HELQ: variants seen among roughly 807,000 people sequenced by gnomAD.
HELQ encodes helicase, POLQ like.
HELQ carries 77 observed loss-of-function variants against 111.6 expected under a neutral mutation model. The ratio of observed to expected loss-of-function variants is 0.69; its 90% CI spans 0.57 to 0.83. The LOEUF is 0.83. Among genes scored for constraint, HELQ ranks in the 40% least tolerant of loss-of-function variants. The probability of loss-of-function intolerance (pLI) is 0.00; values close to 1 mark genes in which losing one functional copy is unlikely to be tolerated. For synonymous variants in HELQ, 438 were observed against 454.7 expected (o/e 0.96, Z 0.47); for missense variants, 1,200 against 1,288.5 (o/e 0.93, Z 1.05).
Position 83,451,504 on chromosome 4 carries a change from T to C in HELQ, c.1012+1727A>G, listed in dbSNP as rs951541449. Reference sequence around the variant, plus strand: ...GGTGAAACCTTGTCTCTACTAAAAATACAAAAAAAAAATTAGCCGGGCGTG... The same window carrying C: ...GGTGAAACCTTGTCTCTACTAAAAACACAAAAAAAAAATTAGCCGGGCGTG... On this transcript the variant is annotated intron_variant, in intron 2 of 17. Transcript: ENST00000295488. Among the ~76,000 whole-genome samples the C allele has an allele frequency of 4.3e-4, 62 of 144,944 alleles. 1 individual carries two copies. The highest frequency in any genetic ancestry group is 1.5e-3 in the African/African-American group (55 of 35,646).
intron 15 of HELQ, 48 bp downstream of exon 15, chr4:83,421,515 A>T: frequency 1.4e-6 from 2 of 1,454,176 alleles, no homozygotes; most frequent in Non-Finnish European, 9.5e-7. Context: ...AGTAACAGTT[A>T]AAACCAGAAG....
Position 83,441,356 on chromosome 4 carries a change from A to T in HELQ, c.1611T>A (p.Val537=). Reference sequence around the variant, plus strand: ...TCATGCCATTCTCAGCTTTGCTGTCAACTTCATATATTGTATCATTTATTT... The same window carrying T: ...TCATGCCATTCTCAGCTTTGCTGTCTACTTCATATATTGTATCATTTATTT... ...YLKINDTIYE[V]DSKAENGMTF... is the part of the protein sequence containing the mutation. The change falls in exon 7 of 18, where the codon GTT becomes GTA. Residue 537 remains valine (V), a synonymous_variant. Coordinates refer to ENST00000295488, the MANE Select transcript of HELQ (RefSeq NM_133636.5). 6.3e-7 allele frequency: 1 copy of T among 1,594,142 alleles called. No individual in the cohort carries two copies. The highest frequency in any genetic ancestry group is 8.6e-7 in the Non-Finnish European group (1 of 1,164,802).
Position 83,432,200 on chromosome 4 carries a change from CA to C in HELQ, c.2115del (p.Ile705MetfsTer9). 1 of 1,602,682 alleles carries C rather than the reference CA, an allele frequency of 6.2e-7. No individual in the cohort carries two copies. On this transcript the variant is annotated frameshift_variant, in exon 10 of 18. Coordinates refer to ENST00000295488, the MANE Select transcript of HELQ (RefSeq NM_133636.5). LOFTEE classifies it high-confidence loss of function. ...FLKRNQYKQM[I>X]GRAGRAGIDT... ...TCTATTCCAGCACGACCAGCTCTGC[CA>C]ATCATCTGTTTATATTGATTCCTCT...
At position 83,455,672 on chromosome 4, in the gene HELQ, T is replaced by C; in HGVS notation, c.22A>G (p.Ile8Val). Residue 8 changes from isoleucine to valine, a missense_variant, in exon 1 of 18, where the codon ATC (isoleucine) becomes GTC (valine). Physicochemically the swap from Ile to Val is conservative, Grantham distance 29. This residue lies in a region of HELQ where 610 missense variants were observed against 607.1 expected (regional missense o/e 1.00). Transcript: ENST00000295488. MDECGSRIRRRVSLPKRN... is the reference protein window; with the variant it reads MDECGSRVRRRVSLPKRN... ...TTGGGGAGAGACACCCGCCGGCGGA[T>C]GCGGGAACCACATTCATCCATGGCA... 5 of 1,609,714 alleles carry C rather than the reference T, an allele frequency of 3.1e-6. No individual in the cohort carries two copies. The highest frequency in any genetic ancestry group is 1.1e-5 in the South Asian group (1 of 91,062).
At position 83,432,140 on chromosome 4, in the gene HELQ, T is replaced by C; in HGVS notation, c.2176A>G (p.Lys726Glu). The C allele has an allele frequency of 6.3e-7, 1 of 1,578,674 alleles. No individual in the cohort carries two copies. The highest frequency in any genetic ancestry group is 8.6e-7 in the Non-Finnish European group (1 of 1,165,400). The stretch of plus-strand genomic sequence containing the variant: ...TTGAGTATTACCTGTTGTTTGTCTT[T>C]TTCTTGCAATATGAGGATACTCTCC... The part of the protein sequence containing the change: ...IGESILILQE[K>E]DKQQVLELIT... Residue 726 changes from lysine to glutamate, a missense_variant, in exon 10 of 18, where the codon AAA (lysine) becomes GAA (glutamate). Transcript: ENST00000295488.
chr4:83,424,416 G>C (rs1719732440), intron 14 of HELQ, among the ~76,000 whole-genome samples: 1 of 152,144 alleles, frequency 6.6e-6, no homozygotes, highest in Non-Finnish European at 1.5e-5. Flanking sequence ...GAATGCTTAA[G>C]TACTACAGAT....
intron 14 of HELQ, among the ~76,000 whole-genome samples, chr4:83,423,082 C>T (rs2047209): frequency 1 from 152,195 of 152,202 alleles, 76,094 homozygotes; most frequent in Middle Eastern, 1. Context: ...AGAAACTAAT[C>T]AATTCTTAAA....
intron 5 of HELQ, 80 bp downstream of exon 5, chr4:83,445,934 G>A (rs1721021491): frequency 6.6e-6 from 6 of 905,808 alleles, no homozygotes; most frequent in East Asian, 2.4e-5. Context: ...GTTACATACT[G>A]TAGCTAGTGA....
intron 17 of HELQ, 69 bp from the exon 18 acceptor site, chr4:83,407,629 T>C (rs971743140): frequency 9.8e-6 from 9 of 922,280 alleles, no homozygotes; most frequent in African/African-American, 1.6e-5. Context: ...ATTTTACCAC[T>C]GTCCATTGAA....
chr4:83,447,074 ATTGTGGCCAATGCCTGTAATCCC>A (rs1560556871), intron 3 of HELQ, 39 bp from the exon 4 acceptor site: 12 of 334,952 alleles, frequency 3.6e-5, no homozygotes, highest in Non-Finnish European at 5.1e-5. Flanking sequence ...TTGGCCAGGC[ATTGTGGCCAATGCCTGTAATCCC>A]AGTACCTTGG....
chr4:83,420,806 C>A (rs910639612), intron 15 of HELQ, among the ~76,000 whole-genome samples: 2 of 151,894 alleles, frequency 1.3e-5, no homozygotes, highest in Non-Finnish European at 2.9e-5. Flanking sequence ...GGTGTGGTGG[C>A]ACATGTCTGT....
In HELQ at chr4:83,455,612, C is replaced by A. The variant is rs755796507; in HGVS notation, c.82G>T (p.Ala28Ser). The A allele has an allele frequency of 7.4e-6, 12 of 1,613,938 alleles. No homozygotes were observed. The highest frequency in any genetic ancestry group is 1.7e-5 in the Admixed American group (1 of 60,006). ...GGCACGAGCTCGGCCGCGGTGGGAG[C>A]GCCAAAAATACACCCCAAGCTTGGA... ...NRPSLGCIFGAPTAAELVPGD... is the reference protein window; with the variant it reads ...NRPSLGCIFGSPTAAELVPGD... The change falls in exon 1 of 18, where the codon GCT becomes TCT. Residue 28 changes from alanine (A) to serine (S), a missense_variant. Ala to Ser is a moderately conservative substitution (Grantham distance 99, BLOSUM62 1). Coordinates refer to ENST00000295488, the MANE Select transcript of HELQ (RefSeq NM_133636.5).
Position 83,455,800 on chromosome 4 carries a change from G to C in HELQ, c.-107C>G. On this transcript the variant is annotated 5_prime_UTR_variant, in exon 1 of 18. Coordinates refer to ENST00000295488, the MANE Select transcript of HELQ (RefSeq NM_133636.5). ...GGAGCCCGCTTCTACATCCACCTTG[G>C]GAAAAGACCCCAAGTTAGCTCTCAG... The C allele has an allele frequency of 8.8e-7, 1 of 1,136,158 alleles. No homozygotes were observed. Among genetic ancestry groups the C allele is most frequent in the Non-Finnish European group, 1.3e-6 (1 of 791,838 alleles). The allele number at this position is 1,136,158 out of a possible 1,614,324, so 70.4% of individuals were successfully genotyped here.
chr4:83,429,743 C>T lies in HELQ; in HGVS notation c.2299G>A (p.Ala767Thr). The T allele has an allele frequency of 6.3e-7, 1 of 1,596,116 alleles. No homozygotes were observed. Among genetic ancestry groups the T allele is most frequent in the Non-Finnish European group, 8.6e-7 (1 of 1,165,874 alleles). The change falls in exon 12 of 18, where the codon GCA becomes ACA. Residue 767 changes from alanine (A) to threonine (T), a missense_variant. Transcript: ENST00000295488. ...LFLSLIGLKI[A>T]TNLDDIYHFM... ...TGATAGATGTCATCAAGATTCGTTG[C>T]AATCTGAAACAATTCAGGATATCAT...
intron 9 of HELQ, among the ~76,000 whole-genome samples, chr4:83,434,579 C>T (rs559300703): frequency 5.3e-5 from 8 of 151,832 alleles, no homozygotes; most frequent in African/African-American, 1.9e-4. Flanking sequence ...CTTCCCACCT[C>T]AGCCTCTCGA....
rs755200736 is a variant in HELQ, at chr4:83,443,514, T to C, written c.1563+3A>G. 2.9e-6 allele frequency: 4 copies of C among 1,402,318 alleles called. No homozygotes were observed. The South Asian group carries it at 4.8e-5, about 17-fold the overall frequency. 86.9% of individuals were successfully genotyped at this position (1,402,318 alleles called of 1,614,324 possible). A position where few individuals can be genotyped will look rare whatever the true frequency, so the allele number is the denominator to read the frequency against. ...CAATACAGTGCAAACCTTAGGTACA[T>C]ACTGGTCTAAATTGACTGGTATAAT... On this transcript the variant is annotated splice_donor_region_variant and intron_variant, in intron 6 of 17. Coordinates refer to ENST00000295488, the MANE Select transcript of HELQ (RefSeq NM_133636.5).
At position 83,427,738 on chromosome 4, in the gene HELQ, A is replaced by G; in HGVS notation, c.2519-18T>C. ...TATAGTTCCTAAAAGAAAGATACAA[A>G]TATTCAATCTTTCACAATTACCAGA... On this transcript the variant is annotated intron_variant, in intron 12 of 17. Transcript: ENST00000295488. 6.8e-7 allele frequency: 1 copy of G among 1,460,808 alleles called. No individual in the cohort carries two copies. The highest frequency in any genetic ancestry group is 2.5e-5 in the East Asian group (1 of 39,490). 90.5% of individuals were successfully genotyped at this position (1,460,808 alleles called of 1,614,324 possible). A position where few individuals can be genotyped will look rare whatever the true frequency, so the allele number is the denominator to read the frequency against.
chr4:83,447,496 C>G (rs75841354), intron 3 of HELQ, among the ~76,000 whole-genome samples: 4,669 of 152,212 alleles, frequency 0.031, 240 homozygotes, highest in African/African-American at 0.11. Flanking sequence ...GCTGTAATGT[C>G]TCGATCTTTG....
At chr4:83,436,734 G>T in intron 9 of HELQ, 124 bp downstream of exon 9, 1 of 933,310 alleles carries the variant, frequency 1.1e-6, no homozygotes, top group Non-Finnish European at 1.6e-6. Context: ...AATCAACTCA[G>T]CATATGCTAA....
Sources: gnomAD v4.1 joint callset for allele counts (sites outside exome capture counted in the v4.1 genomes callset) on GRCh38, gnomAD v4.1.1 for gene constraint, gnomAD v4.1.1 regional missense constraint, MANE v1.5 for transcripts, NCBI Gene and HGNC (gene_info 2026-07-23, HGNC 2026-07-21) for gene names.